Variants in TLK2 observed in about 807,000 individuals in gnomAD.
TLK2 encodes the protein serine/threonine-protein kinase tousled-like 2.
In TLK2, 6 loss-of-function variants were observed where a neutral mutation model predicts 117.3. That is an observed-to-expected ratio of 0.05 (90% CI 0.03 to 0.10). The LOEUF (loss-of-function observed/expected upper bound fraction) is 0.10, where lower values mean the gene tolerates loss of function less well. TLK2 is among the 10% of genes least tolerant of loss of function. The pLI, the probability that TLK2 is intolerant of heterozygous loss-of-function variation, is 1.00. For missense variants in TLK2, 299 were observed against 901.2 expected (o/e 0.33, Z 8.56); for synonymous variants, 257 against 316.7 (o/e 0.81, Z 2.00).
intron 7 of TLK2, among the ~76,000 whole-genome samples, chr17:62,549,419 A>AAAAAAAAAAAAAAATT (rs2078239377): frequency 2.6e-4 from 2 of 7,760 alleles, no homozygotes; most frequent in East Asian, 8.2e-3. Flanking sequence ...AAAAAAAAAA[A>AAAAAAAAAAAAAAATT]AAAAAAAAAA....
intron 15 of TLK2, 109 bp from the exon 16 acceptor site, chr17:62,586,026 A>G (rs939688630): frequency 2.7e-6 from 2 of 743,340 alleles, no homozygotes; most frequent in Admixed American, 2.8e-5. Flanking sequence ...GATGTATTTA[A>G]TAATGTATTT....
intron 11 of TLK2, among the ~76,000 whole-genome samples, chr17:62,570,385 T>G (rs2080183042): frequency 6.6e-6 from 1 of 152,226 alleles, no homozygotes. Context: ...GGGCGAGCGC[T>G]CTCTAAAATT....
intron 6 of TLK2, among the ~76,000 whole-genome samples, chr17:62,530,482 G>GA (rs1053142864): frequency 5.3e-5 from 8 of 151,902 alleles, no homozygotes; most frequent in Non-Finnish European, 8.8e-5. Flanking sequence ...CCCCAGAAAA[G>GA]AAAAAATAAG....
intron 21 of TLK2, among the ~76,000 whole-genome samples, chr17:62,609,928 A>G (rs1392557872): frequency 6.6e-6 from 1 of 152,204 alleles, no homozygotes; most frequent in African/African-American, 2.4e-5. Flanking sequence ...CCCTGTCTCA[A>G]AAAAAGAAAA....
At position 62,536,237 on chromosome 17, in the gene TLK2, C is replaced by G; in HGVS notation, c.431C>G (p.Ser144Cys). The G allele has an allele frequency of 1.2e-6, 2 of 1,613,152 alleles. No homozygotes were observed. Among genetic ancestry groups the G allele is most frequent in the Non-Finnish European group, 1.7e-6 (2 of 1,179,808 alleles). ...GCAAAGGAGGCAACGGAGGAGCAGTCTGCTCTGCCAACCCTCATGTCAGTG... is the reference window on the plus strand; with the variant it reads ...GCAAAGGAGGCAACGGAGGAGCAGTGTGCTCTGCCAACCCTCATGTCAGTG... The part of the protein sequence containing the change: ...SAAKEATEEQ[S>C]ALPTLMSVML... Residue 144 changes from serine to cysteine, a missense_variant, in exon 7 of 22, where the codon TCT becomes TGT. Ser to Cys is a moderately radical substitution (Grantham distance 112). This residue lies in a region of TLK2 where 105 missense variants were observed against 218.4 expected (regional missense o/e 0.48). Coordinates refer to ENST00000346027, the MANE Select transcript of TLK2 (RefSeq NM_006852.6).
At chr17:62,542,771 C>G (rs910791091) in intron 7 of TLK2, among the ~76,000 whole-genome samples, 1 of 152,066 alleles carries the variant, frequency 6.6e-6, no homozygotes, top group African/African-American at 2.4e-5. Flanking sequence ...TCTGTTGTTT[C>G]CTTAAAACTT....
Position 62,527,254 on chromosome 17 carries a change from GT to G in TLK2, c.363+2925del, listed in dbSNP as rs1215208392. ...GCAGTCCCTCATACCTTGTCAATTT[GT>G]TCCTAACTGTACTTTATTTTAATTC... On this transcript the variant is annotated intron_variant, in intron 6 of 21. Transcript: ENST00000346027. Among the ~76,000 whole-genome samples the G allele has an allele frequency of 3.3e-5, 5 of 152,202 alleles. No individual in the cohort carries two copies. In the East Asian group the frequency reaches 9.6e-4, roughly 29 times the overall value.
At chr17:62,535,655 G>C (rs573327863) in intron 6 of TLK2, among the ~76,000 whole-genome samples, 42 of 152,002 alleles carry the variant, frequency 2.8e-4, no homozygotes, top group Non-Finnish European at 5.6e-4. Context: ...TGTAATCCCA[G>C]CTACTTGGGA....
intron 3 of TLK2, among the ~76,000 whole-genome samples, chr17:62,521,520 T>C (rs932102772): frequency 3.3e-5 from 5 of 152,172 alleles, no homozygotes; most frequent in Non-Finnish European, 7.4e-5. Context: ...TCCTCCTGTC[T>C]CAGCCTCCTG....
rs146299864 is a variant in TLK2, at chr17:62,598,246, A to AC, written c.1550+1578dup. ...AGCAAATTTCTTGAATACTAGGTAG[A>AC]CCCCCCTCTCTGAACTATTAAGTTC... On this transcript the variant is annotated intron_variant, in intron 17 of 21. Transcript: ENST00000346027. 3.4e-3 allele frequency among the ~76,000 whole-genome samples: 524 copies of AC among 152,006 alleles called. 3 individuals are homozygous for AC. The highest frequency in any genetic ancestry group is 0.012 in the African/African-American group (487 of 41,444).
intron 15 of TLK2, among the ~76,000 whole-genome samples, chr17:62,581,868 A>G: frequency 6.6e-6 from 1 of 152,184 alleles, no homozygotes; most frequent in Admixed American, 6.5e-5. Context: ...AGAGTTGTGA[A>G]GTCTCTTTTT....
intron 16 of TLK2, among the ~76,000 whole-genome samples, chr17:62,587,066 A>C (rs576623333): frequency 6.6e-6 from 1 of 151,958 alleles, no homozygotes; most frequent in African/African-American, 2.4e-5. Flanking sequence ...TCTCTATAGA[A>C]TAGTACTAGT....
In TLK2 at chr17:62,581,578, C is replaced by T. The variant is rs181429631; in HGVS notation, c.1368+1386C>T. Among the ~76,000 whole-genome samples the T allele has an allele frequency of 1.1e-4, 16 of 151,834 alleles. No homozygotes were observed. In the East Asian group the frequency reaches 3.1e-3, roughly 30 times the overall value. On this transcript the variant is annotated intron_variant, in intron 15 of 21. Transcript: ENST00000346027. ...TCAGCCTCCCAAAGTGCTGGGATTA[C>T]AGGTGTGTACCACCATACCTGGCTA...
chr17:62,591,367 A>G (rs963649243), intron 16 of TLK2, among the ~76,000 whole-genome samples: 9 of 152,152 alleles, frequency 5.9e-5, no homozygotes, highest in Non-Finnish European at 1.0e-4. Flanking sequence ...TAAAAAAAAA[A>G]AAAACCAGCG....
intron 2 of TLK2, among the ~76,000 whole-genome samples, chr17:62,486,997 T>C (rs1251166229): frequency 6.6e-6 from 1 of 152,136 alleles, no homozygotes; most frequent in Non-Finnish European, 1.5e-5. Flanking sequence ...CATAATGCAA[T>C]GAAATATGAT....
intron 2 of TLK2, among the ~76,000 whole-genome samples, chr17:62,502,029 A>ATTTTTTTTTTTTTTTT (rs371212708): frequency 4.4e-5 from 6 of 137,440 alleles, no homozygotes; most frequent in African/African-American, 1.6e-4. Context: ...AAAAATACCA[A>ATTTTTTTTTTTTTTTT]TTTTTTTTTT....
intron 6 of TLK2, among the ~76,000 whole-genome samples, chr17:62,534,818 A>C (rs1260409368): frequency 2.7e-5 from 4 of 149,730 alleles, no homozygotes; most frequent in Non-Finnish European, 5.9e-5. Context: ...AGCACCATTA[A>C]TTATGATATT....
chr17:62,536,118 G>A (rs371549165), intron 6 of TLK2, 52 bp from the exon 7 acceptor site: 37 of 1,583,020 alleles, frequency 2.3e-5, no homozygotes, highest in Non-Finnish European at 2.8e-5. Flanking sequence ...TGTTTGGGCA[G>A]TATCAGATTA....
At chr17:62,478,761 C>T (rs113084932), upstream of TLK2, among the ~76,000 whole-genome samples, 337 of 132,610 alleles carry the variant, frequency 2.5e-3, 8 homozygotes, top group Admixed American at 4.6e-3. Flanking sequence ...GGACCCCCCC[C>T]GCCTCCCAGC....
Sources: gnomAD v4.1 joint callset for allele counts (sites outside exome capture counted in the v4.1 genomes callset) on GRCh38, gnomAD v4.1.1 for gene constraint, gnomAD v4.1.1 regional missense constraint, MANE v1.5 for transcripts, NCBI Gene and HGNC (gene_info 2026-07-23, HGNC 2026-07-21) for gene names.